GRM3: variants seen among roughly 807,000 people sequenced by gnomAD.
GRM3 encodes metabotropic glutamate receptor 3.
Under a neutral mutation model 70.5 loss-of-function variants are expected in GRM3, and 26 were observed. The ratio of observed to expected loss-of-function variants is 0.37; its 90% CI spans 0.27 to 0.51. GRM3 has a LOEUF of 0.51. GRM3 is among the 20% of genes least tolerant of loss of function. The probability of loss-of-function intolerance (pLI) is 0.93; values close to 1 mark genes in which losing one functional copy is unlikely to be tolerated. For synonymous variants in GRM3, 443 were observed against 434.9 expected, an observed-to-expected ratio of 1.02 and a Z score of -0.23; for missense variants, 859 against 1,123.8, an observed-to-expected ratio of 0.76 and a Z score of 3.37.
chr7:86,650,117 A>G (rs1678470320), intron 1 of GRM3, among the ~76,000 whole-genome samples: 1 of 152,148 alleles, frequency 6.6e-6, no homozygotes, highest in South Asian at 2.1e-4. Flanking sequence ...ATAATAGGTG[A>G]TAATTATTAA....
At chr7:86,778,458 T>C in intron 2 of GRM3, among the ~76,000 whole-genome samples, 1 of 152,060 alleles carries the variant, frequency 6.6e-6, no homozygotes. Context: ...GAAAAAAAAA[T>C]ATTTGGCATT....
chr7:86,752,422 A>G (rs1796251897), intron 1 of GRM3, among the ~76,000 whole-genome samples: 1 of 152,148 alleles, frequency 6.6e-6, no homozygotes, highest in African/African-American at 2.4e-5. Flanking sequence ...GCTTTGTGTT[A>G]TTCTTAGTCT....
chr7:86,833,224 C>T (rs1798388420), intron 3 of GRM3: 1 of 169,420 alleles, frequency 5.9e-6, no homozygotes, highest in African/African-American at 3.1e-5. Flanking sequence ...GGAAGGGGAA[C>T]ATCACACTCT....
At chr7:86,654,752 A>G (rs1584141072) in intron 1 of GRM3, among the ~76,000 whole-genome samples, 1 of 152,184 alleles carries the variant, frequency 6.6e-6, no homozygotes, top group South Asian at 2.1e-4. Context: ...TTAACCATTT[A>G]TCTCCTTCGT....
intron 1 of GRM3, among the ~76,000 whole-genome samples, chr7:86,715,451 G>A (rs546822001): frequency 1.3e-5 from 2 of 151,908 alleles, no homozygotes; most frequent in Non-Finnish European, 2.9e-5. Context: ...ACTAAATGAG[G>A]CATTTTAAGG....
chr7:86,786,210 A>G lies in GRM3; in HGVS notation c.469-51A>G. 1 of 1,504,434 alleles carries G rather than the reference A, an allele frequency of 6.6e-7. No individual in the cohort carries two copies. Among genetic ancestry groups the G allele is most frequent in the Non-Finnish European group, 9.1e-7 (1 of 1,104,898 alleles). The allele number at this position is 1,504,434 out of a possible 1,614,324, so 93.2% of individuals were successfully genotyped here. On this transcript the variant is annotated intron_variant, in intron 2 of 5. Transcript: ENST00000361669. The surrounding 1 kb of genome is among the most constrained non-coding windows in gnomAD (Gnocchi z 6.0). ...GATGCTATTATTCATTTTCATGTCC[A>G]GTCATCTACCTCGGGGTTTCTAACA...
At chr7:86,854,514 T>C (rs1798812253) in intron 5 of GRM3, among the ~76,000 whole-genome samples, 1 of 150,010 alleles carries the variant, frequency 6.7e-6, no homozygotes, top group Non-Finnish European at 1.5e-5. Flanking sequence ...ATTAATTATA[T>C]ACAGTAGAAG....
At chr7:86,706,945 T>C (rs1026729199) in intron 1 of GRM3, among the ~76,000 whole-genome samples, 2 of 152,164 alleles carry the variant, frequency 1.3e-5, no homozygotes, top group Admixed American at 6.6e-5. Context: ...ATTTTGCACT[T>C]AGATATTTTT....
chr7:86,796,118 T>C (rs1445852160), intron 3 of GRM3, among the ~76,000 whole-genome samples: 2 of 152,238 alleles, frequency 1.3e-5, no homozygotes, highest in Non-Finnish European at 2.9e-5. Context: ...TTTGATGTTT[T>C]AATCATACAA....
At chr7:86,719,175 A>C (rs1795393805) in intron 1 of GRM3, among the ~76,000 whole-genome samples, 1 of 152,040 alleles carries the variant, frequency 6.6e-6, no homozygotes, top group Non-Finnish European at 1.5e-5. Flanking sequence ...TATTTAGGGT[A>C]ATACAAATAT....
chr7:86,788,884 C>A (rs1275681127), intron 3 of GRM3, among the ~76,000 whole-genome samples: 1 of 152,116 alleles, frequency 6.6e-6, no homozygotes, highest in Non-Finnish European at 1.5e-5. Context: ...TGCAAATATA[C>A]AAATATATTC....
At chr7:86,655,767 A>G (rs562822900) in intron 1 of GRM3, among the ~76,000 whole-genome samples, 23 of 152,014 alleles carry the variant, frequency 1.5e-4, no homozygotes, top group Admixed American at 3.3e-4. Context: ...TATAGGAAAA[A>G]AGTTCCTACC....
At chr7:86,732,779 G>A (rs1795764366) in intron 1 of GRM3, among the ~76,000 whole-genome samples, 1 of 152,012 alleles carries the variant, frequency 6.6e-6, no homozygotes, top group South Asian at 2.1e-4. Context: ...AAAGTGAAGT[G>A]GAAAATAATT....
At chr7:86,698,568 A>G (rs1794882837) in intron 1 of GRM3, among the ~76,000 whole-genome samples, 1 of 145,032 alleles carries the variant, frequency 6.9e-6, no homozygotes, top group Non-Finnish European at 1.5e-5. Context: ...ATATATAATT[A>G]TATATATACA....
At chr7:86,713,093 G>A (rs926543401) in intron 1 of GRM3, among the ~76,000 whole-genome samples, 1 of 151,944 alleles carries the variant, frequency 6.6e-6, no homozygotes, top group Non-Finnish European at 1.5e-5. Context: ...ATTCCTACCA[G>A]CAGTGTACAA....
chr7:86,805,015 G>A (rs1474356011), intron 3 of GRM3, among the ~76,000 whole-genome samples: 2 of 152,128 alleles, frequency 1.3e-5, no homozygotes, highest in Non-Finnish European at 2.9e-5. Flanking sequence ...CTGGGAGGTT[G>A]AGGTGGGAGG....
chr7:86,765,335 C>A lies in GRM3; in HGVS notation c.190C>A (p.Arg64=), dbSNP rs763591056. Reference sequence around the variant, plus strand: ...AGAATGTGGGCGAATCAATGAAGACCGAGGGATTCAACGCCTGGAAGCCAT... The same window carrying A: ...AGAATGTGGGCGAATCAATGAAGACAGAGGGATTCAACGCCTGGAAGCCAT... ...TEECGRINED[R]GIQRLEAMLF... Residue 64 remains arginine, a synonymous_variant, in exon 2 of 6, where the codon CGA becomes AGA. Coordinates refer to ENST00000361669, the MANE Select transcript of GRM3 (RefSeq NM_000840.3). 4 of 1,613,708 alleles carry A rather than the reference C, an allele frequency of 2.5e-6. No homozygotes were observed. The highest frequency in any genetic ancestry group is 1.3e-5 in the African/African-American group (1 of 74,956).
In GRM3 at chr7:86,684,421, A is replaced by G. The variant is rs73398450; in HGVS notation, c.-141+39549A>G. On this transcript the variant is annotated intron_variant, in intron 1 of 5. Coordinates refer to ENST00000361669, the MANE Select transcript of GRM3 (RefSeq NM_000840.3). ...ATATTTTTCTTTCAATGCACAATGT[A>G]GTAAATAAATGTCTACAGAATAAAC... Among the ~76,000 whole-genome samples, 535 of 152,342 alleles carry G rather than the reference A, an allele frequency of 3.5e-3. 4 individuals carry two copies. Among genetic ancestry groups the G allele is most frequent in the African/African-American group, 0.012 (509 of 41,578 alleles).
intron 3 of GRM3, among the ~76,000 whole-genome samples, chr7:86,825,993 G>A (rs1798225648): frequency 1.3e-5 from 2 of 152,090 alleles, no homozygotes; most frequent in South Asian, 4.1e-4. Flanking sequence ...CAGAACAATG[G>A]GATGTTTATG....
Sources: allele counts gnomAD v4.1 joint callset (sites outside exome capture counted in the v4.1 genomes callset), GRCh38; gene constraint gnomAD v4.1.1; non-coding constraint Gnocchi (gnomAD v3.1); transcripts MANE v1.5; gene names NCBI Gene and HGNC (gene_info 2026-07-23, HGNC 2026-07-21).